Variants in DAGLA observed in about 807,000 individuals in gnomAD.
The protein encoded by DAGLA is diacylglycerol lipase-alpha.
In DAGLA, 22 loss-of-function variants were observed where a neutral mutation model predicts 102.6. That is an observed-to-expected ratio of 0.21 (90% confidence interval 0.15 to 0.31). The LOEUF is 0.31. DAGLA is among the 10% of genes least tolerant of loss of function. The pLI is 1.00. For synonymous variants in DAGLA, 578 were observed against 628.9 expected (o/e 0.92, Z 1.21); for missense variants, 927 against 1,446.6 (o/e 0.64, Z 5.83).
chr11:61,725,283 T>C (rs1350990567), intron 5 of DAGLA, among the ~76,000 whole-genome samples: 3 of 152,276 alleles, frequency 2.0e-5, no homozygotes, highest in South Asian at 4.1e-4. Context: ...GGCCCATTGC[T>C]CTGCCTTTGG....
chr11:61,703,498 C>T (rs1036687708), intron 1 of DAGLA, among the ~76,000 whole-genome samples: 3 of 152,170 alleles, frequency 2.0e-5, no homozygotes, highest in Non-Finnish European at 4.4e-5. Context: ...CAAAGGCGTT[C>T]GGCACGCCTG....
At position 61,731,404 on chromosome 11, in the gene DAGLA, C is replaced by A; in HGVS notation, c.937C>A (p.Pro313Thr). 6.2e-7 allele frequency: 1 copy of A among 1,614,022 alleles called. No individual in the cohort carries two copies. The highest frequency in any genetic ancestry group is 8.5e-7 in the Non-Finnish European group (1 of 1,180,036). ...YGWPMYLMRK[P>T]ACGLCQLARS... ...GTGGCCCATGTACCTGATGCGGAAG[C>A]CCGCCTGCGGCCTCTGCCAACTGGC... Residue 313 changes from proline (P) to threonine (T), a missense_variant, in exon 9 of 20, where the codon CCC becomes ACC. Pro to Thr is a conservative substitution (Grantham distance 38). Around this residue, in one of 4 missense-constraint regions of DAGLA, gnomAD observed 44 missense variants for 44.0 expected, o/e 1.00. Coordinates refer to ENST00000257215, the MANE Select transcript of DAGLA (RefSeq NM_006133.3).
chr11:61,734,061 C>T lies in DAGLA; in HGVS notation c.975-788C>T, dbSNP rs551802375. 1.3e-5 allele frequency among the ~76,000 whole-genome samples: 2 copies of T among 152,002 alleles called. No individual in the cohort carries two copies. Among genetic ancestry groups the T allele is most frequent in the Non-Finnish European group, 2.9e-5 (2 of 68,000 alleles). On this transcript the variant is annotated intron_variant, in intron 9 of 19. Coordinates refer to ENST00000257215, the MANE Select transcript of DAGLA (RefSeq NM_006133.3). The surrounding 1 kb of genome is among the most constrained non-coding windows in gnomAD (Gnocchi z 4.2). ...GGGTCTTAAAAAGAAAATGATGTGG[C>T]TCAACTTATCTTAAAAGGGCCACTC...
At chr11:61,736,245 C>G in intron 12 of DAGLA, 25 bp from the exon 13 acceptor site, 1 of 1,609,038 alleles carries the variant, frequency 6.2e-7, no homozygotes, top group Non-Finnish European at 8.5e-7. Context: ...CCCACCAACA[C>G]CTGCTTCTGT....
At chr11:61,739,338 C>T (rs1055858643) in intron 16 of DAGLA, 127 bp from the exon 17 acceptor site, 10 of 945,416 alleles carry the variant, frequency 1.1e-5, no homozygotes, top group Non-Finnish European at 1.6e-5. Context: ...CTGCCCTTCC[C>T]CTGCCCCTTT....
At chr11:61,731,209 C>T in intron 8 of DAGLA, 108 bp from the exon 9 acceptor site, 1 of 1,398,324 alleles carries the variant, frequency 7.2e-7, no homozygotes, top group East Asian at 2.4e-5. Context: ...AGCAACCCCT[C>T]CCTGCCAGGG....
intron 5 of DAGLA, 51 bp from the exon 6 acceptor site, chr11:61,725,944 C>T (rs769715169): frequency 6.5e-7 from 1 of 1,542,600 alleles, no homozygotes; most frequent in South Asian, 1.1e-5. Context: ...GGTCCCAGCT[C>T]TTCTGGTCCA....
At chr11:61,708,349 C>G (rs1278131770) in intron 1 of DAGLA, among the ~76,000 whole-genome samples, 1 of 151,382 alleles carries the variant, frequency 6.6e-6, no homozygotes, top group African/African-American at 2.4e-5. Flanking sequence ...CCAATCTCCT[C>G]CTCTGAGCCA....
At chr11:61,711,334 G>A (rs965634278) in intron 1 of DAGLA, among the ~76,000 whole-genome samples, 5 of 152,248 alleles carry the variant, frequency 3.3e-5, no homozygotes, top group Admixed American at 6.5e-5. Context: ...ATGTGGACGT[G>A]TGGGACAAGG....
At position 61,708,769 on chromosome 11, in the gene DAGLA, C is replaced by T. The variant is rs116136835; in HGVS notation, c.-44-11343C>T. On this transcript the variant is annotated intron_variant, in intron 1 of 19. Transcript: ENST00000257215. ...CATCATCCTCATCCTATTTTATAGA[C>T]GAGGAGAGGGCTGCGTTGTATATTG... 2.8e-3 allele frequency among the ~76,000 whole-genome samples: 426 copies of T among 152,272 alleles called. 4 individuals carry two copies. Among genetic ancestry groups the T allele is most frequent in the African/African-American group, 9.8e-3 (408 of 41,554 alleles).
Position 61,743,600 on chromosome 11 carries a change from C to T in DAGLA, c.2240C>T (p.Ala747Val), listed in dbSNP as rs1002085326. The T allele has an allele frequency of 1.3e-5, 20 of 1,570,710 alleles. No homozygotes were observed. Among genetic ancestry groups the T allele is most frequent in the African/African-American group, 6.8e-5 (5 of 73,984 alleles). The change falls in exon 20 of 20, where the codon GCG becomes GTG. Residue 747 changes from alanine to valine, a missense_variant. Physicochemically the swap from Ala to Val is moderately conservative, Grantham distance 64 (BLOSUM62 0). Transcript: ENST00000257215. Reference sequence around the variant, plus strand: ...GGGCGGCTGCTGTCGCCAGTGGTTGCGGCGGCGGCCCGCCAGGACCCGGTG... The same window carrying T: ...GGGCGGCTGCTGTCGCCAGTGGTTGTGGCGGCGGCCCGCCAGGACCCGGTG... ...SEGRLLSPVV[A>V]AAARQDPVEL...
intron 1 of DAGLA, among the ~76,000 whole-genome samples, chr11:61,690,843 C>T (rs1274454447): frequency 6.6e-6 from 1 of 152,172 alleles, no homozygotes; most frequent in Non-Finnish European, 1.5e-5. Context: ...GGCCAGGCCC[C>T]GCTCCCAGGA....
intron 1 of DAGLA, among the ~76,000 whole-genome samples, chr11:61,702,805 T>G (rs559488044): frequency 6.6e-6 from 1 of 152,292 alleles, no homozygotes; most frequent in East Asian, 1.9e-4. Flanking sequence ...AAGCCAGGCT[T>G]GTCAATGCTA....
chr11:61,720,965 G>A lies in DAGLA; in HGVS notation c.307+75G>A, dbSNP rs766165854. 67 of 1,405,184 alleles carry A rather than the reference G, an allele frequency of 4.8e-5. 1 individual carries two copies. Among genetic ancestry groups the A allele is most frequent in the South Asian group, 1.5e-4 (12 of 80,020 alleles). The allele number at this position is 1,405,184 out of a possible 1,614,324, so 87.0% of individuals were successfully genotyped here. A position where few individuals can be genotyped will look rare whatever the true frequency, so the allele number is the denominator to read the frequency against. On this transcript the variant is annotated intron_variant, in intron 3 of 19. Coordinates refer to ENST00000257215, the MANE Select transcript of DAGLA (RefSeq NM_006133.3). ...CATTCACTCAGCCAGTATTTACTGC[G>A]CACATGTTGCGAGCCAGGCCCTGTT... is the stretch of plus-strand genomic sequence containing the variant.
intron 1 of DAGLA, among the ~76,000 whole-genome samples, chr11:61,681,623 G>A (rs1295215398): frequency 6.6e-6 from 1 of 152,086 alleles, no homozygotes; most frequent in Non-Finnish European, 1.5e-5. Context: ...ATGCTGGGGA[G>A]CCTTTGGGTC....
intron 5 of DAGLA, among the ~76,000 whole-genome samples, chr11:61,724,412 G>A (rs1363658574): frequency 1.3e-5 from 2 of 152,188 alleles, no homozygotes; most frequent in Admixed American, 6.5e-5. Flanking sequence ...ATGGTTGTGA[G>A]ATCCATTCTA....
Position 61,737,851 on chromosome 11 carries a change from G to C in DAGLA, c.1583+96G>C, listed in dbSNP as rs1046032802. The C allele has an allele frequency of 4.6e-6, 5 of 1,086,722 alleles. No homozygotes were observed. In the African/African-American group the frequency reaches 4.9e-5, roughly 11 times the overall value. 67.3% of individuals were successfully genotyped at this position (1,086,722 alleles called of 1,614,324 possible). On this transcript the variant is annotated intron_variant, in intron 15 of 19. Coordinates refer to ENST00000257215, the MANE Select transcript of DAGLA (RefSeq NM_006133.3). ...CCAGCCCCCGCATCTCTCTCAGTCC[G>C]ATTCCTGTCTCTCAAGGGACCCCAC...
In DAGLA at chr11:61,744,836, C is replaced by T; in HGVS notation, c.*347C>T. 1 of 240,640 alleles carries T rather than the reference C, an allele frequency of 4.2e-6. No individual in the cohort carries two copies. The highest frequency in any genetic ancestry group is 8.1e-6 in the Non-Finnish European group (1 of 123,398). 14.9% of individuals were successfully genotyped at this position (240,640 alleles called of 1,614,324 possible). On this transcript the variant is annotated 3_prime_UTR_variant, in exon 20 of 20. Transcript: ENST00000257215. Reference sequence around the variant, plus strand: ...GACAGGCCATGGGCAAGCTGCCTCCCATCACTGCCTGCTGGCTGCTCTCCC... The same window carrying T: ...GACAGGCCATGGGCAAGCTGCCTCCTATCACTGCCTGCTGGCTGCTCTCCC...
At position 61,744,603 on chromosome 11, in the gene DAGLA, C is replaced by T. The variant is rs2065520772; in HGVS notation, c.*114C>T. 3 of 884,730 alleles carry T rather than the reference C, an allele frequency of 3.4e-6. No homozygotes were observed. Among genetic ancestry groups the T allele is most frequent in the Non-Finnish European group, 5.1e-6 (3 of 588,312 alleles). The allele number at this position is 884,730 out of a possible 1,614,324, so 54.8% of individuals were successfully genotyped here. The stretch of plus-strand genomic sequence containing the variant: ...GACAGACCCCCAGGGGCAGTTTAGC[C>T]TCAGGCACAGGCATCGCTGCTGAGC... On this transcript the variant is annotated 3_prime_UTR_variant, in exon 20 of 20. Transcript: ENST00000257215.
Sources: gnomAD v4.1 joint callset for allele counts (sites outside exome capture counted in the v4.1 genomes callset) on GRCh38, gnomAD v4.1.1 for gene constraint, gnomAD v4.1.1 regional missense constraint, Gnocchi (gnomAD v3.1) non-coding constraint, MANE v1.5 for transcripts, NCBI Gene and HGNC (gene_info 2026-07-23, HGNC 2026-07-21) for gene names.